NRG1: variants seen among roughly 807,000 people sequenced by gnomAD.
NRG1 encodes pro-neuregulin-1, membrane-bound isoform.
In NRG1, 18 loss-of-function variants were observed where a neutral mutation model predicts 63.8. The ratio of observed to expected loss-of-function variants is 0.28; its 90% CI spans 0.19 to 0.42. The LOEUF (loss-of-function observed/expected upper bound fraction) is 0.42. Among genes scored for constraint, NRG1 ranks in the 10% least tolerant of loss-of-function variants. The pLI is 1.00. For missense variants in NRG1, 762 were observed against 814.7 expected, an observed-to-expected ratio of 0.94 and a Z score of 0.79; for synonymous variants, 302 against 301.3, an observed-to-expected ratio of 1.00 and a Z score of -0.02.
chr8:31,657,312 T>A (rs1460703694), intron 1 of NRG1, among the ~76,000 whole-genome samples: 3 of 152,152 alleles, frequency 2.0e-5, no homozygotes, highest in Admixed American at 6.5e-5. Context: ...GGGGGAAAGA[T>A]GAAAATGAAA....
chr8:32,725,464 A>ATTTTTTTTTT lies in NRG1; in HGVS notation c.503-2465_503-2456dup, dbSNP rs71209904. Among the ~76,000 whole-genome samples, 133 of 67,584 alleles carry ATTTTTTTTTT rather than the reference A, an allele frequency of 2.0e-3. 7 individuals carry two copies. The highest frequency in any genetic ancestry group is 0.015 in the East Asian group (23 of 1,574). The allele number at this position is 67,584 out of a possible 152,430, so 44.3% of individuals were successfully genotyped here. On this transcript the variant is annotated intron_variant, in intron 5 of 11. Coordinates refer to ENST00000356819, the Ensembl canonical transcript of NRG1. Reference sequence around the variant, plus strand: ...TTTAACATTCGAGGCAAACTTCCTAATTTTTTTTTTTTTTTTTTTTTTTTT... The same window carrying ATTTTTTTTTT: ...TTTAACATTCGAGGCAAACTTCCTAATTTTTTTTTTTTTTTTTTTTTTTTTTTTTTTTTTT...
intron 1 of NRG1, among the ~76,000 whole-genome samples, chr8:32,326,793 G>A (rs1444384325): frequency 1.3e-5 from 2 of 152,108 alleles, no homozygotes; most frequent in Non-Finnish European, 2.9e-5. Flanking sequence ...GTTCTTCAGA[G>A]ATAAGTATTA....
intron 1 of NRG1, among the ~76,000 whole-genome samples, chr8:32,536,335 C>T (rs910194971): frequency 2.0e-5 from 3 of 152,154 alleles, no homozygotes; most frequent in African/African-American, 7.2e-5. Flanking sequence ...AGCTCTCAGA[C>T]GCTGCCCTCA....
At chr8:32,764,078 A>G in exon 12 of NRG1, 1 of 1,614,126 alleles carries the variant, frequency 6.2e-7, no homozygotes, top group Non-Finnish European at 8.5e-7. Context: ...AGTACGAGCC[A>G]GCCCAAGAGC....
intron 1 of NRG1, among the ~76,000 whole-genome samples, chr8:32,235,864 A>T (rs899022528): frequency 2.6e-5 from 4 of 152,150 alleles, no homozygotes; most frequent in Non-Finnish European, 5.9e-5. Context: ...TCCTTGAATC[A>T]CTTACTGAAT....
chr8:32,006,551 C>T (rs551874657), intron 1 of NRG1, among the ~76,000 whole-genome samples: 182 of 152,046 alleles, frequency 1.2e-3, no homozygotes, highest in African/African-American at 4.0e-3. Context: ...TGACAGAAGA[C>T]GAAAGCATCA....
intron 1 of NRG1, among the ~76,000 whole-genome samples, chr8:32,123,862 A>G (rs1220746251): frequency 6.6e-6 from 1 of 151,818 alleles, no homozygotes; most frequent in Non-Finnish European, 1.5e-5. Context: ...ATGCTGTTAA[A>G]GAGACAAGTG....
chr8:32,402,472 G>A (rs1813340382), intron 1 of NRG1, among the ~76,000 whole-genome samples: 1 of 152,044 alleles, frequency 6.6e-6, no homozygotes, highest in Admixed American at 6.5e-5. Flanking sequence ...ATTCTGAGTA[G>A]CGTGATGAAA....
At chr8:32,387,160 T>C (rs1811121782) in intron 1 of NRG1, among the ~76,000 whole-genome samples, 1 of 152,166 alleles carries the variant, frequency 6.6e-6, no homozygotes. Flanking sequence ...TAAATACAAG[T>C]AGAGATATGG....
At chr8:32,467,170 A>G (rs1264157759) in intron 1 of NRG1, among the ~76,000 whole-genome samples, 1 of 152,222 alleles carries the variant, frequency 6.6e-6, no homozygotes, top group African/African-American at 2.4e-5. Flanking sequence ...ACAAAGCAAC[A>G]TAGGAGAAAA....
At chr8:32,231,996 C>T (rs7820150) in intron 1 of NRG1, among the ~76,000 whole-genome samples, 35,587 of 151,978 alleles carry the variant, frequency 0.23, 8,505 homozygotes, top group African/African-American at 0.61. Flanking sequence ...CTCAACCTCC[C>T]AGGCTCAAGT....
Position 31,952,267 on chromosome 8 carries a change from G to A in NRG1, c.37+312836G>A, listed in dbSNP as rs141016807. Among the ~76,000 whole-genome samples, 710 of 152,322 alleles carry A rather than the reference G, an allele frequency of 4.7e-3. 4 individuals carry two copies. The highest frequency in any genetic ancestry group is 0.01 in the Middle Eastern group (3 of 294). On this transcript the variant is annotated intron_variant, in intron 1 of 10. Coordinates refer to the NRG1 transcript ENST00000519301. ...TCTGAAATGATGAAGGTGCCATGGG[G>A]ACAGATGGGCGTGTAAAGAACTTAT...
intron 1 of NRG1, among the ~76,000 whole-genome samples, chr8:31,649,719 G>A (rs957468318): frequency 1.3e-4 from 20 of 152,164 alleles, no homozygotes; most frequent in Non-Finnish European, 2.9e-5. Flanking sequence ...AAGATGTAAA[G>A]AATAAGCTTA....
rs4036035 is a variant in NRG1 at position 31,770,770 on chromosome 8, C to CATATAT, written c.37+131361_37+131366dup. Reference sequence around the variant, plus strand: ...ACCCTAGAACTTAAAGTATAATAAACATATATATATATATATATATATATA... The same window carrying CATATAT: ...ACCCTAGAACTTAAAGTATAATAAACATATATATATATATATATATATATATATATA... On this transcript the variant is annotated intron_variant, in intron 1 of 10. Transcript: ENST00000519301. 3.3e-3 allele frequency among the ~76,000 whole-genome samples: 470 copies of CATATAT among 140,466 alleles called. 2 individuals are homozygous for CATATAT. Among genetic ancestry groups the CATATAT allele is most frequent in the Middle Eastern group, 7.2e-3 (2 of 276 alleles). The allele number at this position is 140,466 out of a possible 152,430, so 92.2% of individuals were successfully genotyped here.
intron 1 of NRG1, among the ~76,000 whole-genome samples, chr8:32,243,806 C>T (rs1024928935): frequency 1.3e-5 from 2 of 152,006 alleles, no homozygotes; most frequent in Non-Finnish European, 2.9e-5. Flanking sequence ...GGAATTAGCA[C>T]CCTTATAAGA....
chr8:31,880,217 T>C (rs2129612628), intron 1 of NRG1, among the ~76,000 whole-genome samples: 1 of 152,240 alleles, frequency 6.6e-6, no homozygotes, highest in East Asian at 1.9e-4. Flanking sequence ...ATGACATAAA[T>C]GTGTATTGAA....
intron 1 of NRG1, among the ~76,000 whole-genome samples, chr8:31,854,835 G>C (rs1031346850): frequency 2.0e-5 from 3 of 152,092 alleles, no homozygotes; most frequent in African/African-American, 4.8e-5. Flanking sequence ...TGGTTTCAAA[G>C]AACATCTTTA....
intron 1 of NRG1, among the ~76,000 whole-genome samples, chr8:31,950,474 C>A (rs1277664604): frequency 6.6e-6 from 1 of 152,190 alleles, no homozygotes; most frequent in Non-Finnish European, 1.5e-5. Context: ...CCATTTCTCT[C>A]CAGACACTAG....
chr8:32,483,038 C>T (rs1027873427), intron 1 of NRG1, among the ~76,000 whole-genome samples: 1 of 152,184 alleles, frequency 6.6e-6, no homozygotes, highest in South Asian at 2.1e-4. Context: ...CAGTTCCTGT[C>T]TTGTGTATGT....
Sources: gnomAD v4.1 joint callset for allele counts (sites outside exome capture counted in the v4.1 genomes callset) on GRCh38, gnomAD v4.1.1 for gene constraint, MANE v1.5 for transcripts, NCBI Gene and HGNC (gene_info 2026-07-23, HGNC 2026-07-21) for gene names.